The following SHLD2 variants were observed in gnomAD, a reference collection of about 807,000 sequenced individuals.
The protein encoded by SHLD2 is RINN1-REV7-interacting novel NHEJ regulator 2.
A neutral mutation model predicts 73.2 loss-of-function variants in SHLD2; 30 were observed. The observed-to-expected ratio is 0.41, with a 90% CI of 0.31 to 0.56. The LOEUF (loss-of-function observed/expected upper bound fraction) is 0.56, where lower values mean the gene tolerates loss of function less well. SHLD2 is among the 20% of genes least tolerant of loss of function. SHLD2 has a pLI of 0.28. For synonymous variants in SHLD2, 285 were observed against 370.1 expected, an observed-to-expected ratio of 0.77 and a Z score of 2.64; for missense variants, 745 against 1,055.9, an observed-to-expected ratio of 0.71 and a Z score of 4.08.
chr10:87,161,019 A>G (rs1846774807), intron 4 of SHLD2, among the ~76,000 whole-genome samples: 1 of 152,124 alleles, frequency 6.6e-6, no homozygotes, highest in South Asian at 2.1e-4. Context: ...AGGCATTTGA[A>G]TGGATAAAGA....
At chr10:87,187,357 T>C (rs1479612654) in intron 9 of SHLD2, among the ~76,000 whole-genome samples, 157 bp downstream of exon 9, 1 of 152,224 alleles carries the variant, frequency 6.6e-6, no homozygotes, top group South Asian at 2.1e-4. Flanking sequence ...CTATGTAAGT[T>C]AGAAGGTTGA....
intron 2 of SHLD2, among the ~76,000 whole-genome samples, chr10:87,124,498 T>C (rs1311963241): frequency 6.6e-6 from 1 of 152,128 alleles, no homozygotes; most frequent in East Asian, 1.9e-4. Flanking sequence ...ATCGCACCAC[T>C]GCACTCCAGC....
At chr10:87,094,783 G>A, upstream of SHLD2, 1 of 1,528,982 alleles carries the variant, frequency 6.5e-7, no homozygotes, top group South Asian at 1.2e-5. The surrounding 1 kb of genome is among the most constrained non-coding windows in gnomAD (Gnocchi z 6.6). Context: ...CACAAGCGGA[G>A]GGGAGGTGCG....
intron 2 of SHLD2, among the ~76,000 whole-genome samples, chr10:87,108,483 A>G (rs900121008): frequency 1.3e-5 from 2 of 152,106 alleles, no homozygotes; most frequent in African/African-American, 2.4e-5. Context: ...CACCATGCCC[A>G]GCCTAGAGAT....
intron 8 of SHLD2, among the ~76,000 whole-genome samples, chr10:87,185,485 A>G (rs561881331): frequency 6.6e-6 from 1 of 152,298 alleles, no homozygotes; most frequent in Non-Finnish European, 1.5e-5. Flanking sequence ...CCTTTTGAGG[A>G]CTACCAGGCT....
intron 2 of SHLD2, among the ~76,000 whole-genome samples, chr10:87,104,606 AAATG>A (rs1400415959): frequency 1.3e-5 from 2 of 152,140 alleles, no homozygotes. Context: ...AGTAAAAAGA[AAATG>A]AAAATAAAAA....
At position 87,099,022 on chromosome 10, in the gene SHLD2, C is replaced by T. The variant is rs138510948; in HGVS notation, c.-6+2033C>T. 8.9e-3 allele frequency among the ~76,000 whole-genome samples: 1,349 copies of T among 152,306 alleles called. 20 individuals are homozygous for T. The highest frequency in any genetic ancestry group is 0.033 in the Admixed American group (505 of 15,304). On this transcript the variant is annotated intron_variant, in intron 2 of 9. Coordinates refer to ENST00000298786, the MANE Select transcript of SHLD2 (RefSeq NM_001330112.2). ...AACTCCTGGGCTCAAGCGATATGCC[C>T]GCCTCTGCCTCCCACAGTGCTGGGA...
chr10:87,135,307 T>C (rs1036601453), intron 2 of SHLD2, among the ~76,000 whole-genome samples: 1 of 152,174 alleles, frequency 6.6e-6, no homozygotes, highest in Non-Finnish European at 1.5e-5. Flanking sequence ...CTTAGGGTCC[T>C]CTTGGTTTTG....
At chr10:87,123,199 A>G (rs1234215718) in intron 2 of SHLD2, among the ~76,000 whole-genome samples, 1 of 152,232 alleles carries the variant, frequency 6.6e-6, no homozygotes, top group East Asian at 1.9e-4. Context: ...GAGTCCCAAT[A>G]AGATTTTTAA....
At chr10:87,189,740 G>A (rs1055811811) in intron 9 of SHLD2, among the ~76,000 whole-genome samples, 1 of 152,106 alleles carries the variant, frequency 6.6e-6, no homozygotes, top group African/African-American at 2.4e-5. Context: ...GTGAGGGGAA[G>A]AGTGTAGGAC....
intron 2 of SHLD2, among the ~76,000 whole-genome samples, chr10:87,117,506 G>A (rs1428636718): frequency 6.7e-6 from 1 of 150,278 alleles, no homozygotes; most frequent in Non-Finnish European, 1.5e-5. Flanking sequence ...TTTTAAAAAC[G>A]TTTTAGGCTG....
At chr10:87,147,076 A>G (rs1455572486) in intron 2 of SHLD2, among the ~76,000 whole-genome samples, 43 of 141,078 alleles carry the variant, frequency 3.0e-4, no homozygotes, top group African/African-American at 9.9e-4. Context: ...AAAAAAGAAA[A>G]AAAAAAAAAA....
intron 2 of SHLD2, among the ~76,000 whole-genome samples, chr10:87,128,908 TTTTG>T (rs1277085725): frequency 2.0e-5 from 3 of 152,208 alleles, no homozygotes; most frequent in Non-Finnish European, 2.9e-5. Context: ...AATTTATTGT[TTTTG>T]TTTGTTTTTT....
At chr10:87,157,083 T>A (rs549168654) in intron 3 of SHLD2, among the ~76,000 whole-genome samples, 2 of 151,224 alleles carry the variant, frequency 1.3e-5, no homozygotes, top group East Asian at 3.9e-4. Flanking sequence ...ACTTCAGATG[T>A]TAGTTTACTT....
At chr10:87,137,876 G>A (rs184230422) in intron 2 of SHLD2, among the ~76,000 whole-genome samples, 17 of 152,294 alleles carry the variant, frequency 1.1e-4, no homozygotes, top group African/African-American at 3.6e-4. Context: ...ATGTGAGAAT[G>A]GCAACATGGG....
chr10:87,099,928 A>G (rs891669629), intron 2 of SHLD2, among the ~76,000 whole-genome samples: 3 of 152,136 alleles, frequency 2.0e-5, no homozygotes, highest in African/African-American at 7.2e-5. Context: ...AGAAATGTCT[A>G]TTCAGATCCT....
chr10:87,170,787 G>C, intron 5 of SHLD2, 53 bp from the exon 6 acceptor site: 1 of 1,612,828 alleles, frequency 6.2e-7, no homozygotes, highest in African/African-American at 1.3e-5. Context: ...TTAAAGTATG[G>C]TATCACGTGT....
In SHLD2 at chr10:87,152,987, C is replaced by T; in HGVS notation, c.1525+108C>T. ...AAGACTCTTTAGTCATTTGCCTCTT[C>T]TGAGCGCAGCATAATTGATCCCTTT... On this transcript the variant is annotated intron_variant, in intron 3 of 9. Coordinates refer to ENST00000298786, the MANE Select transcript of SHLD2 (RefSeq NM_001330112.2). 11 of 1,063,724 alleles carry T rather than the reference C, an allele frequency of 1.0e-5. No homozygotes were observed. The South Asian group carries it at 1.4e-4, about 14-fold the overall frequency. The allele number at this position is 1,063,724 out of a possible 1,614,324, so 65.9% of individuals were successfully genotyped here.
chr10:87,146,258 A>G lies in SHLD2; in HGVS notation c.-5-5092A>G, dbSNP rs187206692. Among the ~76,000 whole-genome samples the G allele has an allele frequency of 3.8e-3, 573 of 152,180 alleles. 3 individuals are homozygous for G. The highest frequency in any genetic ancestry group is 0.012 in the African/African-American group (510 of 41,510). The stretch of plus-strand genomic sequence containing the variant: ...AGGACGGCTTTAAATGCAACCCAAC[A>G]TGAGTTTGTAAACTTTCTTAAAACA... On this transcript the variant is annotated intron_variant, in intron 2 of 9. Transcript: ENST00000298786.
Sources: gnomAD v4.1 joint callset for allele counts (sites outside exome capture counted in the v4.1 genomes callset) on GRCh38, gnomAD v4.1.1 for gene constraint, Gnocchi (gnomAD v3.1) non-coding constraint, MANE v1.5 for transcripts, NCBI Gene and HGNC (gene_info 2026-07-23, HGNC 2026-07-21) for gene names.